Variants in TMEM178B observed in about 807,000 individuals in gnomAD.
TMEM178B encodes transmembrane protein 178B.
In TMEM178B, 5 loss-of-function variants were observed where a neutral mutation model predicts 31.0. The observed-to-expected ratio is 0.16, with a 90% CI of 0.08 to 0.34. The LOEUF (loss-of-function observed/expected upper bound fraction) is 0.34. TMEM178B is among the 10% of genes least tolerant of loss of function. The probability of loss-of-function intolerance (pLI) is 1.00; values close to 1 mark genes in which losing one functional copy is unlikely to be tolerated. For missense variants in TMEM178B, 275 were observed against 400.3 expected, an observed-to-expected ratio of 0.69 and a Z score of 2.67; for synonymous variants, 164 against 164.0, an observed-to-expected ratio of 1.00 and a Z score of 0.00.
intron 1 of TMEM178B, among the ~76,000 whole-genome samples, chr7:141,196,580 A>T (rs1796786672): frequency 6.6e-6 from 1 of 152,208 alleles, no homozygotes; most frequent in South Asian, 2.1e-4. Context: ...GCTTGGACTC[A>T]TCAGGTTAGA....
In TMEM178B at chr7:141,472,410, A is replaced by G. The variant is rs1455593750; in HGVS notation, c.*1624A>G. 6.6e-6 allele frequency: 1 copy of G among 152,178 alleles called. No homozygotes were observed. 9.4% of individuals were successfully genotyped at this position (152,178 alleles called of 1,614,324 possible). On this transcript the variant is annotated 3_prime_UTR_variant, in exon 4 of 4. Transcript: ENST00000565468. ...CAGTGTCTCGGGCTCATTTGAGCAA[A>G]TTAGCACTGCAGGTGCTGGCAAGCA...
chr7:141,274,311 T>C (rs1314622184), intron 2 of TMEM178B, among the ~76,000 whole-genome samples: 1 of 152,242 alleles, frequency 6.6e-6, no homozygotes, highest in Non-Finnish European at 1.5e-5. Context: ...CAACAAATTT[T>C]TATTAAATGA....
chr7:141,181,677 G>T (rs1375517848), intron 1 of TMEM178B, among the ~76,000 whole-genome samples: 1 of 152,194 alleles, frequency 6.6e-6, no homozygotes, highest in East Asian at 1.9e-4. Context: ...GTGAGTTCGG[G>T]TTCACAACCA....
At chr7:141,503,673 A>G in the TMEM178B span, among the ~76,000 whole-genome samples, 1 of 151,988 alleles carries the variant, frequency 6.6e-6, no homozygotes, top group Non-Finnish European at 1.5e-5. Flanking sequence ...CCTAACTCAC[A>G]CCTATTATGT....
At chr7:141,127,945 T>C (rs1795526688) in intron 1 of TMEM178B, among the ~76,000 whole-genome samples, 1 of 152,204 alleles carries the variant, frequency 6.6e-6, no homozygotes. Flanking sequence ...GGATCTGCAC[T>C]TCTCTGAGCA....
intron 3 of TMEM178B, among the ~76,000 whole-genome samples, chr7:141,441,723 C>T (rs75860731): frequency 6.6e-6 from 1 of 152,184 alleles, no homozygotes; most frequent in Non-Finnish European, 1.5e-5. Flanking sequence ...CCAAGGCCAA[C>T]ATGAAAATGG....
chr7:141,306,544 T>G (rs1161935710), intron 2 of TMEM178B, among the ~76,000 whole-genome samples: 1 of 152,060 alleles, frequency 6.6e-6, no homozygotes, highest in African/African-American at 2.4e-5. Context: ...TTCTTGTAGG[T>G]TTATTAATAT....
chr7:141,092,925 G>A (rs1285873547), intron 1 of TMEM178B, among the ~76,000 whole-genome samples: 1 of 152,146 alleles, frequency 6.6e-6, no homozygotes, highest in African/African-American at 2.4e-5. Flanking sequence ...AATAACAAGG[G>A]CAGTGACTTT....
At chr7:141,482,346 C>G (rs917583279), downstream of TMEM178B, among the ~76,000 whole-genome samples, 4 of 152,240 alleles carry the variant, frequency 2.6e-5, no homozygotes, top group Non-Finnish European at 5.9e-5. Context: ...CTTTCCCTAA[C>G]CCTGTGGCAG....
intron 1 of TMEM178B, among the ~76,000 whole-genome samples, chr7:141,088,241 T>C (rs905746338): frequency 4.6e-5 from 7 of 152,186 alleles, no homozygotes; most frequent in Admixed American, 3.9e-4. Context: ...TTCTTTTTAG[T>C]TGTGGCTTCT....
At chr7:141,085,047 A>G (rs557081242) in intron 1 of TMEM178B, among the ~76,000 whole-genome samples, 1 of 151,642 alleles carries the variant, frequency 6.6e-6, no homozygotes, top group Non-Finnish European at 1.5e-5. Context: ...TCACGATCTC[A>G]GCTCACTGCA....
intron 2 of TMEM178B, among the ~76,000 whole-genome samples, chr7:141,369,141 T>C (rs1268098020): frequency 4.6e-5 from 7 of 152,216 alleles, no homozygotes; most frequent in African/African-American, 1.7e-4. Flanking sequence ...TCCTCTGGTA[T>C]TTCTTTCCCC....
At chr7:141,470,450 A>G (rs992821871) in intron 3 of TMEM178B, 86 bp from the exon 4 acceptor site, 3 of 1,328,918 alleles carry the variant, frequency 2.3e-6, no homozygotes, top group Admixed American at 3.1e-5. Context: ...AAATGTAATA[A>G]TATTAACTTT....
intron 1 of TMEM178B, among the ~76,000 whole-genome samples, chr7:141,090,832 C>T (rs1259331887): frequency 6.6e-6 from 1 of 152,178 alleles, no homozygotes; most frequent in Non-Finnish European, 1.5e-5. Context: ...GAGTTTCACT[C>T]CTTAGGGTCT....
chr7:141,144,331 G>A (rs1329969806), intron 1 of TMEM178B, among the ~76,000 whole-genome samples: 1 of 151,950 alleles, frequency 6.6e-6, no homozygotes, highest in Non-Finnish European at 1.5e-5. Context: ...ATATCTGGCT[G>A]GTATTTATTT....
At chr7:141,175,021 C>T (rs1272475164) in intron 1 of TMEM178B, among the ~76,000 whole-genome samples, 4 of 152,192 alleles carry the variant, frequency 2.6e-5, no homozygotes, top group Admixed American at 1.3e-4. Flanking sequence ...GTGTTTTAGT[C>T]ATGAAGTCTT....
intron 1 of TMEM178B, among the ~76,000 whole-genome samples, chr7:141,198,282 G>T (rs1028384696): frequency 7.2e-5 from 11 of 152,164 alleles, no homozygotes; most frequent in Admixed American, 3.3e-4. Flanking sequence ...GTGCATACCT[G>T]GGGGAGGCAG....
chr7:141,509,309 T>C, the TMEM178B span, among the ~76,000 whole-genome samples: 1 of 151,934 alleles, frequency 6.6e-6, no homozygotes, highest in Admixed American at 6.6e-5. Context: ...GTAGGGAGGA[T>C]AGAAAATTTC....
chr7:141,330,298 C>G (rs1204252551), intron 2 of TMEM178B, among the ~76,000 whole-genome samples: 5 of 152,090 alleles, frequency 3.3e-5, no homozygotes, highest in Non-Finnish European at 7.4e-5. Flanking sequence ...CCAACAGGTC[C>G]CAGTGTGTGT....
Sources: allele counts gnomAD v4.1 joint callset (sites outside exome capture counted in the v4.1 genomes callset), GRCh38; gene constraint gnomAD v4.1.1; transcripts MANE v1.5; gene names NCBI Gene and HGNC (gene_info 2026-07-23, HGNC 2026-07-21).